Variants in COPG1 observed in about 807,000 individuals in gnomAD.
COPG1 encodes coatomer subunit gamma-1.
COPG1 carries 29 observed loss-of-function variants against 102.8 expected under a neutral mutation model. That is an observed-to-expected ratio of 0.28 (90% CI 0.21 to 0.38). The LOEUF is 0.38. COPG1 is among the 10% of genes least tolerant of loss of function. COPG1 has a pLI of 1.00. For synonymous variants in COPG1, 406 were observed against 421.6 expected (o/e 0.96, Z 0.45); for missense variants, 875 against 1,132.7 (o/e 0.77, Z 3.27).
At chr3:129,252,996 A>G in intron 5 of COPG1, 41 bp downstream of exon 5, 1 of 1,546,276 alleles carries the variant, frequency 6.5e-7, no homozygotes, top group Non-Finnish European at 8.9e-7. Flanking sequence ...GATGGGTTCC[A>G]TTGACAGACC....
In COPG1 at chr3:129,271,733, G is replaced by T; in HGVS notation, c.1844-34G>T. 1 of 1,610,772 alleles carries T rather than the reference G, an allele frequency of 6.2e-7. No individual in the cohort carries two copies. The highest frequency in any genetic ancestry group is 1.1e-5 in the South Asian group (1 of 90,736). ...CCATCAACAAGTTGGTCTGGGGATC[G>T]AGAAGCTGAGTGAATGTGGCCTGTG... On this transcript the variant is annotated intron_variant, in intron 18 of 23. Coordinates refer to ENST00000314797, the MANE Select transcript of COPG1 (RefSeq NM_016128.4). This position sits in a 1 kb window ranked among gnomAD's most constrained non-coding sequence, Gnocchi z 4.7.
At chr3:129,269,854 G>T (rs1940151769) in intron 18 of COPG1, among the ~76,000 whole-genome samples, 1 of 151,552 alleles carries the variant, frequency 6.6e-6, no homozygotes, top group Admixed American at 6.6e-5. Flanking sequence ...ATAGCTCTGC[G>T]GTCAGAAGTC....
rs930916487 is a variant in COPG1, at chr3:129,271,339, C to T, written c.1844-428C>T. Among the ~76,000 whole-genome samples the T allele has an allele frequency of 1.3e-5, 2 of 152,114 alleles. No homozygotes were observed. Among genetic ancestry groups the T allele is most frequent in the African/African-American group, 2.4e-5 (1 of 41,406 alleles). On this transcript the variant is annotated intron_variant, in intron 18 of 23. Transcript: ENST00000314797. The surrounding 1 kb of genome is among the most constrained non-coding windows in gnomAD (Gnocchi z 4.7). ...TGTCTTAACTGATAAATATATAGGA[C>T]CAGTTTGTTATTTTGTCTGATTTTG...
intron 19 of COPG1, 44 bp from the exon 20 acceptor site, chr3:129,272,200 C>T (rs773205780): frequency 2.0e-5 from 31 of 1,565,052 alleles, no homozygotes; most frequent in African/African-American, 1.8e-4. Context: ...CAGCATGGCT[C>T]GGACCTAGTG....
At chr3:129,274,593 A>G (rs1229408488) in intron 21 of COPG1, among the ~76,000 whole-genome samples, 1 of 152,188 alleles carries the variant, frequency 6.6e-6, no homozygotes, top group African/African-American at 2.4e-5. Context: ...AGGCGGCTCT[A>G]GGCTGAATTA....
At chr3:129,259,188 C>T (rs1939872539) in intron 10 of COPG1, among the ~76,000 whole-genome samples, 1 of 152,088 alleles carries the variant, frequency 6.6e-6, no homozygotes. Flanking sequence ...AACTGCTGGG[C>T]ACGGTGGCTC....
In COPG1 at chr3:129,260,632, A is replaced by G. The variant is rs1939907654; in HGVS notation, c.953A>G (p.His318Arg). The G allele has an allele frequency of 1.9e-6, 3 of 1,614,042 alleles. No homozygotes were observed. The highest frequency in any genetic ancestry group is 1.7e-5 in the Admixed American group (1 of 59,990). Residue 318 changes from histidine (H) to arginine (R), a missense_variant, in exon 12 of 24, where the codon CAT becomes CGT. By Grantham distance (29) the His-to-Arg change is conservative. Transcript: ENST00000314797. ...CTCCCAAAACAGGTTGCCATGAAGCATCCGTCAGCTGTGACAGCTTGTAAT... is the reference window on the plus strand; with the variant it reads ...CTCCCAAAACAGGTTGCCATGAAGCGTCCGTCAGCTGTGACAGCTTGTAAT... ...VRTLNKVAMK[H>R]PSAVTACNLD... is the part of the protein sequence containing the mutation.
intron 12 of COPG1, 30 bp from the exon 13 acceptor site, chr3:129,263,874 C>CT (rs1437895395): frequency 6.3e-7 from 1 of 1,596,884 alleles, no homozygotes; most frequent in African/African-American, 1.3e-5. Flanking sequence ...GTGGCAGGGC[C>CT]TGCTGCTCAT....
chr3:129,275,971 T>TAC lies in COPG1; in HGVS notation c.2494+705_2494+706dup, dbSNP rs59294610. 0.01 allele frequency among the ~76,000 whole-genome samples: 1,539 copies of TAC among 149,362 alleles called. 12 individuals carry two copies. Among genetic ancestry groups the TAC allele is most frequent in the East Asian group, 0.03 (153 of 5,110 alleles). On this transcript the variant is annotated intron_variant, in intron 23 of 23. Transcript: ENST00000314797. The surrounding 1 kb of genome is among the most constrained non-coding windows in gnomAD (Gnocchi z 5.0). ...ACAGATGTTACAGTAAATAATCGTG[T>TAC]ACACACACACACACACACACACACA...
chr3:129,252,354 T>C lies in COPG1; in HGVS notation c.164T>C (p.Ile55Thr), dbSNP rs114266469. Residue 55 changes from isoleucine (I) to threonine (T), a missense_variant, in exon 3 of 24, where the codon ATA becomes ACA. Physicochemically the swap from Ile to Thr is moderately conservative, Grantham distance 89 (BLOSUM62 -1). Transcript: ENST00000314797. ...ATCCTCACCAAGATTCTTTATCTCA[T>C]AAACCAGGTAACAGGGTGAAGCTTG... ...AHILTKILYL[I>T]NQGEHLGTTE... 5,211 of 1,607,974 alleles carry C rather than the reference T, an allele frequency of 3.2e-3. 145 individuals carry two copies. The African/African-American group carries it at 0.063, about 19-fold the overall frequency.
At chr3:129,259,023 C>T (rs980926046) in intron 10 of COPG1, among the ~76,000 whole-genome samples, 1 of 152,128 alleles carries the variant, frequency 6.6e-6, no homozygotes, top group African/African-American at 2.4e-5. Flanking sequence ...GATGTTGTGG[C>T]AGGAGAGTTA....
chr3:129,251,964 T>C (rs1939708830), intron 2 of COPG1, among the ~76,000 whole-genome samples: 1 of 152,132 alleles, frequency 6.6e-6, no homozygotes, highest in African/African-American at 2.4e-5. Context: ...GGATTACAGG[T>C]GTGAGCTACT....
Position 129,275,432 on chromosome 3 carries a change from C to T in COPG1, c.2494+140C>T. 1.6e-6 allele frequency: 1 copy of T among 637,524 alleles called. No homozygotes were observed. Among genetic ancestry groups the T allele is most frequent in the East Asian group, 2.8e-5 (1 of 36,238 alleles). 39.5% of individuals were successfully genotyped at this position (637,524 alleles called of 1,614,324 possible). A position where few individuals can be genotyped will look rare whatever the true frequency, so the allele number is the denominator to read the frequency against. Reference sequence around the variant, plus strand: ...AATTCACAAAGTATAAAATAATCTGCAGCGAAATGTTTCCTCCCTACCTTG... The same window carrying T: ...AATTCACAAAGTATAAAATAATCTGTAGCGAAATGTTTCCTCCCTACCTTG... On this transcript the variant is annotated intron_variant, in intron 23 of 23. Transcript: ENST00000314797. This position sits in a 1 kb window ranked among gnomAD's most constrained non-coding sequence, Gnocchi z 5.0.
chr3:129,252,436 C>T, intron 3 of COPG1, 75 bp downstream of exon 3: 2 of 1,188,530 alleles, frequency 1.7e-6, no homozygotes, highest in Non-Finnish European at 2.5e-6. Flanking sequence ...CATGATCACT[C>T]TTAGGCTATT....
At chr3:129,263,034 A>AT (rs1202317880) in intron 12 of COPG1, among the ~76,000 whole-genome samples, 1 of 144,442 alleles carries the variant, frequency 6.9e-6, no homozygotes, top group Non-Finnish European at 1.5e-5. Context: ...AAAAAAAAAA[A>AT]AGAGTCCTTC....
At chr3:129,267,166 C>T in intron 15 of COPG1, 67 bp downstream of exon 15, 1 of 1,254,484 alleles carries the variant, frequency 8.0e-7, no homozygotes, top group Non-Finnish European at 1.1e-6. Flanking sequence ...TTTCCTTTGT[C>T]TTTATTTTTT....
At chr3:129,276,246 T>G (rs527375499) in intron 23 of COPG1, among the ~76,000 whole-genome samples, 1 of 152,374 alleles carries the variant, frequency 6.6e-6, no homozygotes, top group African/African-American at 2.4e-5. Context: ...AGTATCTTCT[T>G]AAATGTTGAG....
At position 129,260,792 on chromosome 3, in the gene COPG1, C is replaced by A; in HGVS notation, c.1113C>A (p.Ile371=). 1.2e-6 allele frequency: 2 copies of A among 1,612,342 alleles called. No individual in the cohort carries two copies. Among genetic ancestry groups the A allele is most frequent in the Non-Finnish European group, 1.7e-6 (2 of 1,179,976 alleles). The change falls in exon 12 of 24, where the codon ATC becomes ATA. Residue 371 remains isoleucine (I), a synonymous_variant. Transcript: ENST00000314797. The stretch of plus-strand genomic sequence containing the variant: ...AGATCTCCTCCTTCATGTCAGAAAT[C>A]TCGGATGAATTCAAGGTACCTGCTA... The part of the protein sequence containing the change: ...MKQISSFMSE[I]SDEFKVVVVQ...
chr3:129,257,147 G>C (rs930646030), intron 8 of COPG1, among the ~76,000 whole-genome samples: 6 of 152,190 alleles, frequency 3.9e-5, no homozygotes, highest in Non-Finnish European at 8.8e-5. Flanking sequence ...TTGTCTGATT[G>C]AAAGCACCAG....
Sources: gnomAD v4.1 joint callset for allele counts (sites outside exome capture counted in the v4.1 genomes callset) on GRCh38, gnomAD v4.1.1 for gene constraint, Gnocchi (gnomAD v3.1) non-coding constraint, MANE v1.5 for transcripts, NCBI Gene and HGNC (gene_info 2026-07-23, HGNC 2026-07-21) for gene names.